Variants in NFASC observed in about 807,000 individuals in gnomAD.
NFASC encodes neurofascin.
A neutral mutation model predicts 147.5 loss-of-function variants in NFASC; 43 were observed. The observed-to-expected ratio is 0.29, with a 90% confidence interval of 0.23 to 0.38. The LOEUF (loss-of-function observed/expected upper bound fraction) is 0.38, where lower values mean the gene tolerates loss of function less well. NFASC is among the 10% of genes least tolerant of loss of function. The pLI, the probability that NFASC is intolerant of heterozygous loss-of-function variation, is 1.00. For synonymous variants in NFASC, 622 were observed against 665.5 expected, an observed-to-expected ratio of 0.93 and a Z score of 1.01; for missense variants, 1,320 against 1,689.0, an observed-to-expected ratio of 0.78 and a Z score of 3.83.
intron 1 of NFASC, among the ~76,000 whole-genome samples, chr1:204,849,437 T>C (rs1265019117): frequency 6.6e-6 from 1 of 152,172 alleles, no homozygotes; most frequent in Non-Finnish European, 1.5e-5. Context: ...GGGGGGCTTG[T>C]TAGAACATGG....
At chr1:204,847,657 A>T (rs1163608429) in intron 1 of NFASC, among the ~76,000 whole-genome samples, 8 of 151,830 alleles carry the variant, frequency 5.3e-5, no homozygotes, top group African/African-American at 1.9e-4. Context: ...AGAGGACGTG[A>T]CTCTCTCCTG....
intron 2 of NFASC, among the ~76,000 whole-genome samples, chr1:204,926,380 GTATATATATATA>G (rs200933434): frequency 1.7e-4 from 8 of 47,928 alleles, no homozygotes; most frequent in East Asian, 6.3e-4. Flanking sequence ...CTTTTTTCAT[GTATATATATATA>G]TATATATATA....
chr1:205,015,907 C>A lies in NFASC; in HGVS notation c.3492-401C>A, dbSNP rs1252337493. 6.6e-6 allele frequency among the ~76,000 whole-genome samples: 1 copy of A among 152,056 alleles called. No individual in the cohort carries two copies. The highest frequency in any genetic ancestry group is 1.9e-4 in the East Asian group (1 of 5,154). ...CCCCTCTTGATGGACAGACTGAGGC[C>A]CAGGTCACAAAACCACACAGTGACA... On this transcript the variant is annotated intron_variant, in intron 29 of 29. Coordinates refer to ENST00000339876, the MANE Select transcript of NFASC (RefSeq NM_001005388.3). The surrounding 1 kb of genome is among the most constrained non-coding windows in gnomAD (Gnocchi z 4.0).
intron 26 of NFASC, among the ~76,000 whole-genome samples, chr1:205,001,718 C>T (rs1314929086): frequency 2.0e-5 from 3 of 152,166 alleles, no homozygotes; most frequent in Non-Finnish European, 2.9e-5. Context: ...GCCAGCGGCC[C>T]CCAGTCAGAG....
At chr1:205,013,873 A>G (rs1213049925) in intron 29 of NFASC, among the ~76,000 whole-genome samples, 1 of 152,122 alleles carries the variant, frequency 6.6e-6, no homozygotes, top group East Asian at 1.9e-4. Flanking sequence ...AATCAGATCA[A>G]TGTGTGGTGG....
In NFASC at chr1:204,997,337, A is replaced by C. The variant is rs1473032216; in HGVS notation, c.2950A>C (p.Thr984Pro). ...CACCGTCGCCACAACTACTACAACCACTGCTGCCGCCACCACCACCACGGA... is the reference window on the plus strand; with the variant it reads ...CACCGTCGCCACAACTACTACAACCCCTGCTGCCGCCACCACCACCACGGA... ...TTTVATTTTTTAAATTTTESP... is the reference protein window; with the variant it reads ...TTTVATTTTTPAAATTTTESP... The change falls in exon 25 of 30, where the codon ACT (threonine) becomes CCT (proline). Residue 984 changes from threonine to proline, a missense_variant. Around this residue, in one of 3 missense-constraint regions of NFASC, gnomAD observed 172 missense variants for 165.8 expected, o/e 1.04. Coordinates refer to ENST00000339876, the MANE Select transcript of NFASC (RefSeq NM_001005388.3). The C allele has an allele frequency of 3.2e-6, 5 of 1,564,788 alleles. No individual in the cohort carries two copies. The highest frequency in any genetic ancestry group is 4.3e-6 in the Non-Finnish European group (5 of 1,154,646).
chr1:204,899,581 A>G (rs909142819), intron 1 of NFASC, among the ~76,000 whole-genome samples: 2 of 152,164 alleles, frequency 1.3e-5, no homozygotes, highest in Non-Finnish European at 2.9e-5. Context: ...GCAGAAATGG[A>G]ATCCTTCTGT....
chr1:204,948,473 C>A (rs2093922760), intron 3 of NFASC, among the ~76,000 whole-genome samples: 1 of 152,326 alleles, frequency 6.6e-6, no homozygotes, highest in Non-Finnish European at 1.5e-5. Context: ...GAGTCTCCAG[C>A]ACCCACAGTC....
chr1:204,870,897 G>A lies in NFASC; in HGVS notation c.-200+42115G>A, dbSNP rs2077569889. On this transcript the variant is annotated intron_variant, in intron 1 of 29. Transcript: ENST00000339876. ...AGGGCAGGGCTGCTGTGTTTTCTCT[G>A]AGGCCAACTTTCAGGGAAAAGAAGG... is the stretch of plus-strand genomic sequence containing the variant. The A allele has an allele frequency of 2.5e-6, 3 of 1,204,374 alleles. No homozygotes were observed. In the Admixed American group the frequency reaches 9.8e-5, roughly 39 times the overall value. 74.6% of individuals were successfully genotyped at this position (1,204,374 alleles called of 1,614,324 possible). A position where few individuals can be genotyped will look rare whatever the true frequency, so the allele number is the denominator to read the frequency against.
chr1:204,869,712 G>A (rs553375222), intron 1 of NFASC, among the ~76,000 whole-genome samples: 2 of 152,258 alleles, frequency 1.3e-5, no homozygotes, highest in African/African-American at 4.8e-5. Context: ...AAGGCAACAT[G>A]GCCAATAAAT....
intron 27 of NFASC, among the ~76,000 whole-genome samples, chr1:205,003,230 A>G (rs1037764858): frequency 2.6e-5 from 4 of 152,148 alleles, no homozygotes; most frequent in Non-Finnish European, 5.9e-5. Context: ...ACCATCATCT[A>G]TTGTTAAAAA....
In NFASC at chr1:204,843,631, C is replaced by CTTCCTCG. The variant is rs1453792384; in HGVS notation, c.-200+14849_-200+14850insTTCCTCG. On this transcript the variant is annotated intron_variant, in intron 1 of 29. Coordinates refer to ENST00000339876, the MANE Select transcript of NFASC (RefSeq NM_001005388.3). ...TCCTTCCTTCCTTCCTTCCTTCCTC[C>CTTCCTCG]CTCCCTCCCTCCCTCCCTCCCTCCC... Among the ~76,000 whole-genome samples, 84 of 37,876 alleles carry CTTCCTCG rather than the reference C, an allele frequency of 2.2e-3. 3 individuals carry two copies. The highest frequency in any genetic ancestry group is 5.8e-3 in the African/African-American group (59 of 10,208). 24.8% of individuals were successfully genotyped at this position (37,876 alleles called of 152,430 possible). A position where few individuals can be genotyped will look rare whatever the true frequency, so the allele number is the denominator to read the frequency against.
rs557810257 is a variant in NFASC, at chr1:204,836,049, C to T, written c.-200+7267C>T. ...GCTTTGGCAGTAGCATTTTAAACAACCATTTGGTGAAAGCTCCAATTTCAG... is the reference window on the plus strand; with the variant it reads ...GCTTTGGCAGTAGCATTTTAAACAATCATTTGGTGAAAGCTCCAATTTCAG... On this transcript the variant is annotated intron_variant, in intron 1 of 29. Coordinates refer to ENST00000339876, the MANE Select transcript of NFASC (RefSeq NM_001005388.3). Among the ~76,000 whole-genome samples, 11 of 152,312 alleles carry T rather than the reference C, an allele frequency of 7.2e-5. No individual in the cohort carries two copies. In the South Asian group the frequency reaches 2.3e-3, roughly 32 times the overall value.
At position 205,009,852 on chromosome 1, in the gene NFASC, C is replaced by T. The variant is rs540318384; in HGVS notation, c.3421+164C>T. 37 of 758,416 alleles carry T rather than the reference C, an allele frequency of 4.9e-5. No homozygotes were observed. The Admixed American group carries it at 6.5e-4, about 13-fold the overall frequency. The allele number at this position is 758,416 out of a possible 1,614,324, so 47.0% of individuals were successfully genotyped here. Reference sequence around the variant, plus strand: ...TGCCTGTGCATCTTCAGACTGCCAGCGAGCACTTGAGTTAATTAAGTTCGC... The same window carrying T: ...TGCCTGTGCATCTTCAGACTGCCAGTGAGCACTTGAGTTAATTAAGTTCGC... On this transcript the variant is annotated intron_variant, in intron 28 of 29. Transcript: ENST00000339876.
chr1:204,988,712 C>A lies in NFASC; in HGVS notation c.2673C>A (p.Asp891Glu). ...NQTKFTVQRT[D>E]PVSRYRFTLS... ...CCAAGTTCACGGTGCAAAGAACGGA[C>A]CCCGTGTCACGCTACCGCTTTACCC... Residue 891 changes from aspartate to glutamate, a missense_variant, in exon 23 of 30, where the codon GAC becomes GAA. Around this residue, in one of 3 missense-constraint regions of NFASC, gnomAD observed 981 missense variants for 1,289.5 expected, o/e 0.76. Coordinates refer to ENST00000339876, the MANE Select transcript of NFASC (RefSeq NM_001005388.3). 1 of 1,614,208 alleles carries A rather than the reference C, an allele frequency of 6.2e-7. No individual in the cohort carries two copies. The highest frequency in any genetic ancestry group is 8.5e-7 in the Non-Finnish European group (1 of 1,180,014).
chr1:205,008,158 T>TA (rs535849212), intron 27 of NFASC, among the ~76,000 whole-genome samples: 190 of 151,868 alleles, frequency 1.3e-3, no homozygotes, highest in Non-Finnish European at 2.5e-3. Flanking sequence ...GGGAAGGCTG[T>TA]AAAATCAGTC....
intron 2 of NFASC, among the ~76,000 whole-genome samples, chr1:204,921,114 C>A (rs1465346962): frequency 6.6e-6 from 1 of 152,168 alleles, no homozygotes; most frequent in African/African-American, 2.4e-5. Context: ...ACAGCCCTGG[C>A]ATATGGGAGA....
intron 27 of NFASC, among the ~76,000 whole-genome samples, chr1:205,006,425 T>A (rs2096113542): frequency 6.6e-6 from 1 of 151,940 alleles, no homozygotes; most frequent in Admixed American, 6.5e-5. Context: ...GGAGATGGTG[T>A]GAGTTGGAGC....
chr1:204,830,283 C>T (rs573550709), intron 1 of NFASC, among the ~76,000 whole-genome samples: 2 of 152,184 alleles, frequency 1.3e-5, no homozygotes, highest in Non-Finnish European at 2.9e-5. Flanking sequence ...TCAGAGCCCA[C>T]AGAACTTAAA....
Sources: allele counts gnomAD v4.1 joint callset (sites outside exome capture counted in the v4.1 genomes callset), GRCh38; gene constraint gnomAD v4.1.1; regional missense constraint gnomAD v4.1.1; non-coding constraint Gnocchi (gnomAD v3.1); transcripts MANE v1.5; gene names NCBI Gene and HGNC (gene_info 2026-07-23, HGNC 2026-07-21).